Variants in CDH4 observed in about 807,000 individuals in gnomAD.
CDH4 encodes cadherin-4.
A neutral mutation model predicts 86.0 loss-of-function variants in CDH4; 33 were observed. The observed-to-expected ratio is 0.38, with a 90% CI of 0.29 to 0.51. The LOEUF (loss-of-function observed/expected upper bound fraction) is 0.51, where lower values mean the gene tolerates loss of function less well. Among genes scored for constraint, CDH4 ranks in the 20% least tolerant of loss-of-function variants. The pLI, the probability that CDH4 is intolerant of heterozygous loss-of-function variation, is 0.86. For missense variants in CDH4, 1,114 were observed against 1,307.4 expected (o/e 0.85, Z 2.28); for synonymous variants, 555 against 549.4 (o/e 1.01, Z -0.14).
At chr20:61,785,609 G>A (rs1014766150) in intron 4 of CDH4, among the ~76,000 whole-genome samples, 1 of 151,324 alleles carries the variant, frequency 6.6e-6, no homozygotes, top group Middle Eastern at 3.4e-3. Flanking sequence ...CACCCAGGTG[G>A]ACAGGGCCCC....
At chr20:61,800,794 C>T (rs1304074170) in intron 4 of CDH4, among the ~76,000 whole-genome samples, 1 of 152,226 alleles carries the variant, frequency 6.6e-6, no homozygotes, top group Non-Finnish European at 1.5e-5. Context: ...GCTGGAACTC[C>T]CTGCCTTCCC....
At chr20:61,322,788 T>G (rs932750795) in intron 2 of CDH4, among the ~76,000 whole-genome samples, 1 of 152,124 alleles carries the variant, frequency 6.6e-6, no homozygotes, top group Non-Finnish European at 1.5e-5. Context: ...AGTGACAGAC[T>G]GGGGTGGGGG....
rs1177678886 is a variant in CDH4, at chr20:61,708,853, A to T, written c.170-34710A>T. ...TAGTGGGCATTGGCAGACGTGCAGA[A>T]CACCCCGCGTGCAATCTTTTCCTGG... On this transcript the variant is annotated intron_variant, in intron 2 of 15. Transcript: ENST00000614565. The surrounding 1 kb of genome is among the most constrained non-coding windows in gnomAD (Gnocchi z 4.5). Among the ~76,000 whole-genome samples the T allele has an allele frequency of 6.6e-6, 1 of 152,204 alleles. No individual in the cohort carries two copies. Among genetic ancestry groups the T allele is most frequent in the Non-Finnish European group, 1.5e-5 (1 of 68,044 alleles).
intron 2 of CDH4, among the ~76,000 whole-genome samples, chr20:61,742,128 CAA>C (rs11392988): frequency 7.1e-6 from 1 of 140,130 alleles, no homozygotes; most frequent in Non-Finnish European, 1.6e-5. Context: ...CCTGTCACTT[CAA>C]AAAAAAAAAA....
chr20:61,620,729 G>A lies in CDH4; in HGVS notation c.170-122834G>A, dbSNP rs1033759115. ...TCTTTCCCTTTAGGCTCCTGGGAGA[G>A]CAATGTTTGTTTCTTTGTGTTTGTT... On this transcript the variant is annotated intron_variant, in intron 2 of 15. Coordinates refer to ENST00000614565, the MANE Select transcript of CDH4 (RefSeq NM_001794.5). Among the ~76,000 whole-genome samples, 3 of 152,330 alleles carry A rather than the reference G, an allele frequency of 2.0e-5. No homozygotes were observed. In the South Asian group the frequency reaches 6.2e-4, roughly 32 times the overall value.
intron 7 of CDH4, among the ~76,000 whole-genome samples, chr20:61,891,899 T>A (rs1218893151): frequency 6.7e-6 from 1 of 149,406 alleles, no homozygotes; most frequent in African/African-American, 2.4e-5. Flanking sequence ...GCTTGTGGCC[T>A]TGCTCTCAGG....
At chr20:61,597,142 C>A (rs150545048) in intron 2 of CDH4, among the ~76,000 whole-genome samples, 1 of 152,154 alleles carries the variant, frequency 6.6e-6, no homozygotes, top group Non-Finnish European at 1.5e-5. Context: ...GTTTTCCTGG[C>A]GTGGTGCCCA....
At chr20:61,727,450 A>G (rs949626296) in intron 2 of CDH4, among the ~76,000 whole-genome samples, 1 of 152,198 alleles carries the variant, frequency 6.6e-6, no homozygotes, top group Admixed American at 6.5e-5. Flanking sequence ...CACCATCATC[A>G]TCATCACTGC....
intron 6 of CDH4, among the ~76,000 whole-genome samples, chr20:61,868,211 G>A (rs566281921): frequency 5.3e-5 from 8 of 152,302 alleles, no homozygotes; most frequent in Admixed American, 1.3e-4. Context: ...GAGGGGGTTC[G>A]TCCACGCCAG....
intron 4 of CDH4, among the ~76,000 whole-genome samples, chr20:61,778,548 G>A (rs778998690): frequency 6.6e-6 from 1 of 152,112 alleles, no homozygotes; most frequent in Non-Finnish European, 1.5e-5. Context: ...GCTCTAATTG[G>A]CGGGGCTGTG....
intron 9 of CDH4, among the ~76,000 whole-genome samples, chr20:61,918,503 G>A (rs1568886645): frequency 6.6e-6 from 1 of 152,170 alleles, no homozygotes. Flanking sequence ...CCCTGCCCCA[G>A]GGGTGGCAGA....
intron 2 of CDH4, among the ~76,000 whole-genome samples, chr20:61,734,182 G>A (rs920319085): frequency 3.9e-5 from 6 of 152,364 alleles, no homozygotes; most frequent in East Asian, 3.9e-4. Context: ...TGCCGTGCAC[G>A]CGTGAGACTG....
intron 2 of CDH4, among the ~76,000 whole-genome samples, chr20:61,617,159 C>T (rs2086731875): frequency 6.6e-6 from 1 of 152,214 alleles, no homozygotes; most frequent in Non-Finnish European, 1.5e-5. Context: ...GCCCTCTGTG[C>T]TGCTGCCTGC....
At chr20:61,380,613 G>A (rs1014246197) in intron 2 of CDH4, among the ~76,000 whole-genome samples, 41 of 146,040 alleles carry the variant, frequency 2.8e-4, no homozygotes, top group African/African-American at 9.8e-4. Context: ...AATATCTTTC[G>A]GGAGGATGAA....
chr20:61,516,850 T>C lies in CDH4; in HGVS notation c.170-226713T>C, dbSNP rs2085825363. 6.6e-6 allele frequency among the ~76,000 whole-genome samples: 1 copy of C among 152,196 alleles called. No homozygotes were observed. Among genetic ancestry groups the C allele is most frequent in the East Asian group, 1.9e-4 (1 of 5,192 alleles). The stretch of plus-strand genomic sequence containing the variant: ...GCTGTCCACACAGCCCCTGCTCCCC[T>C]ACTCCCTGGCTCCTCGTCCTAGCAA... On this transcript the variant is annotated intron_variant, in intron 2 of 15. Transcript: ENST00000614565. The surrounding 1 kb of genome is among the most constrained non-coding windows in gnomAD (Gnocchi z 4.0).
chr20:61,453,952 T>C (rs2085393533), intron 2 of CDH4, among the ~76,000 whole-genome samples: 1 of 152,196 alleles, frequency 6.6e-6, no homozygotes, highest in African/African-American at 2.4e-5. Flanking sequence ...CCTGCCGCCT[T>C]GTGAAGAAGG....
chr20:61,799,267 G>A (rs982377128), intron 4 of CDH4, among the ~76,000 whole-genome samples: 5 of 152,354 alleles, frequency 3.3e-5, no homozygotes, highest in African/African-American at 1.2e-4. Flanking sequence ...CTGTGCAACT[G>A]GCTGGTGTGA....
At chr20:61,606,352 G>A (rs907612810) in intron 2 of CDH4, among the ~76,000 whole-genome samples, 20 of 152,160 alleles carry the variant, frequency 1.3e-4, no homozygotes, top group African/African-American at 4.6e-4. Context: ...TCCTACAGAC[G>A]AGGGCACTGA....
chr20:61,925,466 A>T (rs1449246421), intron 11 of CDH4, among the ~76,000 whole-genome samples: 1 of 152,196 alleles, frequency 6.6e-6, no homozygotes. Context: ...AGTCGGAGTC[A>T]CCGGAACACT....
Sources: gnomAD v4.1 joint callset for allele counts (sites outside exome capture counted in the v4.1 genomes callset) on GRCh38, gnomAD v4.1.1 for gene constraint, Gnocchi (gnomAD v3.1) non-coding constraint, MANE v1.5 for transcripts, NCBI Gene and HGNC (gene_info 2026-07-23, HGNC 2026-07-21) for gene names.